Variants in GRID1 observed in about 807,000 individuals in gnomAD.
The protein encoded by GRID1 is glutamate ionotropic receptor delta type subunit 1.
A neutral mutation model predicts 98.0 loss-of-function variants in GRID1; 28 were observed. The ratio of observed to expected loss-of-function variants is 0.29; its 90% CI spans 0.21 to 0.39. The LOEUF (loss-of-function observed/expected upper bound fraction) is 0.39. Ranked by LOEUF, GRID1 falls within the 10% of genes least tolerant of loss-of-function variation. The pLI, the probability that GRID1 is intolerant of heterozygous loss-of-function variation, is 1.00. For missense variants in GRID1, 1,111 were observed against 1,340.5 expected, an observed-to-expected ratio of 0.83 and a Z score of 2.67; for synonymous variants, 553 against 538.5, an observed-to-expected ratio of 1.03 and a Z score of -0.37.
At chr10:86,127,388 CT>C in intron 4 of GRID1, among the ~76,000 whole-genome samples, 1 of 152,192 alleles carries the variant, frequency 6.6e-6, no homozygotes. Flanking sequence ...GCTGTCCCTC[CT>C]TCTATCAGCC....
chr10:85,780,599 G>A (rs1034931707), intron 8 of GRID1, among the ~76,000 whole-genome samples: 5 of 152,178 alleles, frequency 3.3e-5, no homozygotes, highest in Admixed American at 2.6e-4. Flanking sequence ...CGATGTTTTC[G>A]AAATGCCTGG....
At chr10:86,229,518 C>T (rs757596512) in intron 2 of GRID1, among the ~76,000 whole-genome samples, 5 of 152,190 alleles carry the variant, frequency 3.3e-5, no homozygotes, top group Admixed American at 1.3e-4. Context: ...TGCTGAGAGC[C>T]GAGCCTGACT....
intron 8 of GRID1, among the ~76,000 whole-genome samples, chr10:85,809,872 T>C (rs1481911512): frequency 1.3e-5 from 2 of 152,200 alleles, no homozygotes; most frequent in African/African-American, 2.4e-5. Context: ...ACTGCCACTA[T>C]AGCCCCCCTG....
intron 4 of GRID1, among the ~76,000 whole-genome samples, chr10:86,021,606 A>G (rs1210197859): frequency 6.6e-6 from 1 of 151,986 alleles, no homozygotes; most frequent in Non-Finnish European, 1.5e-5. Flanking sequence ...CTCAGCCCCC[A>G]CACATGCATG....
chr10:85,698,632 G>T (rs1198079305), intron 12 of GRID1, among the ~76,000 whole-genome samples: 2 of 152,192 alleles, frequency 1.3e-5, no homozygotes, highest in Non-Finnish European at 2.9e-5. Flanking sequence ...AAACATTTAT[G>T]TAAAGATTTT....
At chr10:86,091,827 C>T (rs1589368186) in intron 4 of GRID1, among the ~76,000 whole-genome samples, 1 of 152,286 alleles carries the variant, frequency 6.6e-6, no homozygotes, top group African/African-American at 2.4e-5. Flanking sequence ...GCAGACAACC[C>T]CCAATACCAG....
Position 86,146,173 on chromosome 10 carries a change from A to G in GRID1, c.521-7149T>C, listed in dbSNP as rs534046489. On this transcript the variant is annotated intron_variant, in intron 3 of 15. Coordinates refer to ENST00000327946, the MANE Select transcript of GRID1 (RefSeq NM_017551.3). The stretch of plus-strand genomic sequence containing the variant: ...GAATATTTTACCATCTGTAATGTAC[A>G]TATATATACATGAAGGCTGCCACCT... 2.2e-4 allele frequency among the ~76,000 whole-genome samples: 33 copies of G among 152,338 alleles called. 1 individual carries two copies. The highest frequency in any genetic ancestry group is 7.9e-4 in the African/African-American group (33 of 41,574).
chr10:85,926,773 G>A (rs748314986), intron 4 of GRID1, among the ~76,000 whole-genome samples: 3 of 152,144 alleles, frequency 2.0e-5, no homozygotes, highest in Non-Finnish European at 4.4e-5. Flanking sequence ...AAGGGCATTC[G>A]ATTTGTAGGG....
intron 5 of GRID1, among the ~76,000 whole-genome samples, chr10:85,909,821 C>T (rs1329643986): frequency 6.6e-6 from 1 of 152,208 alleles, no homozygotes; most frequent in Non-Finnish European, 1.5e-5. Context: ...GATACGTTCA[C>T]TACCTCTATT....
At chr10:86,089,623 C>T (rs1844115151) in intron 4 of GRID1, among the ~76,000 whole-genome samples, 1 of 151,676 alleles carries the variant, frequency 6.6e-6, no homozygotes, top group South Asian at 2.1e-4. Context: ...AACAATCTGA[C>T]AAAAATTTTT....
At chr10:86,283,179 G>C (rs961012581) in intron 2 of GRID1, among the ~76,000 whole-genome samples, 3 of 152,134 alleles carry the variant, frequency 2.0e-5, no homozygotes, top group African/African-American at 7.2e-5. Context: ...GCTCTGCTTT[G>C]GCACCATCTC....
chr10:85,616,422 A>G (rs970486702), intron 14 of GRID1, among the ~76,000 whole-genome samples: 4 of 152,178 alleles, frequency 2.6e-5, no homozygotes, highest in Non-Finnish European at 5.9e-5. Context: ...CTTCTGGCCC[A>G]GGGGATGGTG....
At chr10:85,618,424 C>T (rs1331726495) in intron 14 of GRID1, among the ~76,000 whole-genome samples, 1 of 152,164 alleles carries the variant, frequency 6.6e-6, no homozygotes, top group Non-Finnish European at 1.5e-5. Flanking sequence ...AGAACACCAA[C>T]GTGTTATAAA....
rs867337466 is a variant in GRID1 at position 86,238,495 on chromosome 10, C to T, written c.236-31847G>A. On this transcript the variant is annotated intron_variant, in intron 2 of 15. Coordinates refer to ENST00000327946, the MANE Select transcript of GRID1 (RefSeq NM_017551.3). ...CCCCCCGTCTCTACTAAAAATACAACCCCATCTCTACTAAAAATACAAAAA... is the reference window on the plus strand; with the variant it reads ...CCCCCCGTCTCTACTAAAAATACAATCCCATCTCTACTAAAAATACAAAAA... Among the ~76,000 whole-genome samples the T allele has an allele frequency of 2.0e-5, 3 of 152,200 alleles. No homozygotes were observed. The South Asian group carries it at 6.2e-4, about 32-fold the overall frequency.
intron 2 of GRID1, among the ~76,000 whole-genome samples, chr10:86,281,446 CTG>C (rs1031913033): frequency 2.6e-5 from 4 of 152,204 alleles, no homozygotes; most frequent in African/African-American, 7.2e-5. Context: ...TAGAGGAAAA[CTG>C]TAACATTTCT....
At chr10:85,829,291 A>G (rs966721627) in intron 8 of GRID1, among the ~76,000 whole-genome samples, 1 of 152,174 alleles carries the variant, frequency 6.6e-6, no homozygotes, top group African/African-American at 2.4e-5. Context: ...CTAGGCATTA[A>G]AATAACATAC....
rs375862587 is a variant in GRID1 at position 85,781,955 on chromosome 10, A to G, written c.1234-52341T>C. Among the ~76,000 whole-genome samples, 89 of 152,300 alleles carry G rather than the reference A, an allele frequency of 5.8e-4. 1 individual carries two copies. The South Asian group carries it at 0.014, about 24-fold the overall frequency. ...TTCCAGACCTCAATGGTTATTTAGG[A>G]GGCCAGGAATTCTCAACAGTTTAAC... On this transcript the variant is annotated intron_variant, in intron 8 of 15. Transcript: ENST00000327946.
At chr10:85,799,611 A>G (rs1842557483) in intron 8 of GRID1, among the ~76,000 whole-genome samples, 1 of 152,140 alleles carries the variant, frequency 6.6e-6, no homozygotes, top group Admixed American at 6.5e-5. Flanking sequence ...AACCCAAATA[A>G]GCCAAGCACA....
At chr10:86,231,941 G>A (rs1019081926) in intron 2 of GRID1, among the ~76,000 whole-genome samples, 2 of 152,186 alleles carry the variant, frequency 1.3e-5, no homozygotes, top group Non-Finnish European at 2.9e-5. Context: ...TGCTCATTGG[G>A]TGAGGGATGG....
Sources: gnomAD v4.1 joint callset for allele counts (sites outside exome capture counted in the v4.1 genomes callset) on GRCh38, gnomAD v4.1.1 for gene constraint, MANE v1.5 for transcripts, NCBI Gene and HGNC (gene_info 2026-07-23, HGNC 2026-07-21) for gene names.